Variants in TBL1X observed in about 807,000 individuals in gnomAD.
TBL1X encodes the protein F-box-like/WD repeat-containing protein TBL1X.
In TBL1X, 10 loss-of-function variants were observed where a neutral mutation model predicts 50.7. The ratio of observed to expected loss-of-function variants is 0.20; its 90% CI spans 0.12 to 0.33. The LOEUF is 0.33. Among genes scored for constraint, TBL1X ranks in the 10% least tolerant of loss-of-function variants. The probability of loss-of-function intolerance (pLI) is 1.00; values close to 1 mark genes in which losing one functional copy is unlikely to be tolerated. For missense variants in TBL1X, 340 were observed against 504.4 expected (o/e 0.67, Z 3.12); for synonymous variants, 190 against 214.7 (o/e 0.88, Z 1.01).
At chrX:9,578,922 A>G (rs1020241679) in intron 2 of TBL1X, among the ~76,000 whole-genome samples, 2 of 111,996 alleles carry the variant, frequency 1.8e-5, no homozygotes, top group Non-Finnish European at 3.8e-5. Context: ...GTTAAATTGA[A>G]ATTATTCACA....
In TBL1X at chrX:9,609,336, G is replaced by GGTGTGTGTGT. The variant is rs775969638; in HGVS notation, c.-130-30908_-130-30899dup. Reference sequence around the variant, plus strand: ...CATTTTGGTGGTGTGTTTTCTTCCAGGTGTGTGTGTGTGTGTGTGTGTGTG... The same window carrying GGTGTGTGTGT: ...CATTTTGGTGGTGTGTTTTCTTCCAGGTGTGTGTGTGTGTGTGTGTGTGTGTGTGTGTGTG... On this transcript the variant is annotated intron_variant, in intron 2 of 17. Coordinates refer to ENST00000645353, the MANE Select transcript of TBL1X (RefSeq NM_005647.4). 8.7e-3 allele frequency among the ~76,000 whole-genome samples: 821 copies of GGTGTGTGTGT among 94,752 alleles called. 10 individuals carry two copies. The highest frequency in any genetic ancestry group is 0.025 in the African/African-American group (609 of 24,623). The allele number at this position is 94,752 out of a possible 115,157, so 82.3% of individuals were successfully genotyped here. A position where few individuals can be genotyped will look rare whatever the true frequency, so the allele number is the denominator to read the frequency against.
chrX:9,471,641 C>T (rs1052064974), intron 1 of TBL1X, among the ~76,000 whole-genome samples: 1 of 111,736 alleles, frequency 8.9e-6, no homozygotes, highest in Non-Finnish European at 1.9e-5. Context: ...AGTCAGAAGG[C>T]GCTTTGTGCT....
intron 5 of TBL1X, among the ~76,000 whole-genome samples, chrX:9,666,987 G>A (rs1330443735): frequency 8.9e-6 from 1 of 112,096 alleles, no homozygotes; most frequent in Non-Finnish European, 1.9e-5. Context: ...TTTAAGGATC[G>A]TCTTAACCTA....
chrX:9,536,214 G>A (rs1013688052), intron 2 of TBL1X, among the ~76,000 whole-genome samples: 1 of 108,957 alleles, frequency 9.2e-6, no homozygotes, highest in African/African-American at 3.3e-5. Context: ...AATTTTAAGT[G>A]TCTTGGATAA....
At chrX:9,554,902 C>T (rs986647307) in intron 2 of TBL1X, among the ~76,000 whole-genome samples, 3 of 111,366 alleles carry the variant, frequency 2.7e-5, no homozygotes, top group Non-Finnish European at 3.8e-5. Context: ...TTAGCAGTCA[C>T]GTCCTCCCCA....
chrX:9,488,839 C>T (rs1019246113), intron 1 of TBL1X, among the ~76,000 whole-genome samples: 1 of 110,948 alleles, frequency 9.0e-6, no homozygotes, highest in Non-Finnish European at 1.9e-5. Flanking sequence ...CTCACTGAGT[C>T]GATTGATTGG....
chrX:9,668,122 C>G (rs2082940824), intron 5 of TBL1X, among the ~76,000 whole-genome samples: 2 of 111,321 alleles, frequency 1.8e-5, no homozygotes, highest in South Asian at 7.5e-4. Context: ...TCCTATAATT[C>G]TGATGTTTCA....
At chrX:9,600,202 G>A (rs945404857) in intron 2 of TBL1X, among the ~76,000 whole-genome samples, 25 of 111,108 alleles carry the variant, frequency 2.3e-4, no homozygotes, top group Middle Eastern at 4.6e-3. Flanking sequence ...AAATAGAAAT[G>A]TATTGCTCAT....
At chrX:9,681,295 T>A (rs1232545339) in intron 5 of TBL1X, among the ~76,000 whole-genome samples, 1 of 111,894 alleles carries the variant, frequency 8.9e-6, no homozygotes, top group Non-Finnish European at 1.9e-5. Flanking sequence ...TTTTGGTTCC[T>A]GTGCTTGTGG....
At chrX:9,553,831 T>C (rs768301992) in intron 2 of TBL1X, among the ~76,000 whole-genome samples, 7 of 112,316 alleles carry the variant, frequency 6.2e-5, no homozygotes, top group African/African-American at 2.3e-4. Flanking sequence ...AATATATTCA[T>C]AGAAATTAGC....
chrX:9,485,604 G>A (rs1334059082), intron 1 of TBL1X, among the ~76,000 whole-genome samples: 1 of 111,846 alleles, frequency 8.9e-6, no homozygotes, highest in African/African-American at 3.3e-5. Context: ...TGGGATGGCC[G>A]GGCTGTGTTG....
At chrX:9,508,620 A>G (rs778412082) in intron 2 of TBL1X, among the ~76,000 whole-genome samples, 3 of 112,271 alleles carry the variant, frequency 2.7e-5, no homozygotes, top group Admixed American at 1.9e-4. Flanking sequence ...TCATTCTGCT[A>G]TAAAGATGCA....
At chrX:9,506,468 A>G (rs774276644) in intron 2 of TBL1X, among the ~76,000 whole-genome samples, 35 of 111,729 alleles carry the variant, frequency 3.1e-4, no homozygotes, top group Non-Finnish European at 6.2e-4. Flanking sequence ...ATCGAAGGCG[A>G]TAGAGACGCA....
chrX:9,571,193 G>A (rs2082384598), intron 2 of TBL1X, among the ~76,000 whole-genome samples: 1 of 111,479 alleles, frequency 9.0e-6, no homozygotes, highest in Admixed American at 9.5e-5. Context: ...GCAGATGGCC[G>A]CCTTCTTGCT....
chrX:9,596,954 C>T (rs1199737347), intron 2 of TBL1X, among the ~76,000 whole-genome samples: 2 of 111,341 alleles, frequency 1.8e-5, no homozygotes, highest in Admixed American at 1.9e-4. Context: ...TAGGACTGTG[C>T]TGGAGGACCC....
At chrX:9,560,712 G>A (rs989586082) in intron 2 of TBL1X, among the ~76,000 whole-genome samples, 14 of 111,976 alleles carry the variant, frequency 1.3e-4, no homozygotes, top group Non-Finnish European at 2.1e-4. Context: ...GACAGATTCC[G>A]CAGTGTTCAT....
intron 5 of TBL1X, among the ~76,000 whole-genome samples, chrX:9,667,259 C>T (rs1368295407): frequency 9.0e-6 from 1 of 111,200 alleles, no homozygotes; most frequent in Non-Finnish European, 1.9e-5. Context: ...AGACTCCGTT[C>T]CCCCCTACCC....
At chrX:9,565,779 C>T (rs893840840) in intron 2 of TBL1X, among the ~76,000 whole-genome samples, 2 of 111,101 alleles carry the variant, frequency 1.8e-5, no homozygotes, top group Admixed American at 9.5e-5. Context: ...TGCAGTGAGT[C>T]GTGATGGTGC....
intron 2 of TBL1X, among the ~76,000 whole-genome samples, chrX:9,545,681 C>T (rs1327387412): frequency 9.0e-6 from 1 of 110,889 alleles, no homozygotes; most frequent in Non-Finnish European, 1.9e-5. Flanking sequence ...TCCTCTTCTC[C>T]TTCCCTTCAC....
Sources: gnomAD v4.1 joint callset for allele counts (sites outside exome capture counted in the v4.1 genomes callset) on GRCh38, gnomAD v4.1.1 for gene constraint, MANE v1.5 for transcripts, NCBI Gene and HGNC (gene_info 2026-07-23, HGNC 2026-07-21) for gene names.